Variants in NEXMIF observed in about 807,000 individuals in gnomAD.
The protein encoded by NEXMIF is XLMR protein related to neurite extension.
A neutral mutation model predicts 62.1 loss-of-function variants in NEXMIF; 8 were observed. The observed-to-expected ratio is 0.13, with a 90% confidence interval of 0.08 to 0.23. The LOEUF is 0.23. NEXMIF is among the 10% of genes least tolerant of loss of function. NEXMIF has a pLI of 1.00. For missense variants in NEXMIF, 976 were observed against 1,113.3 expected (o/e 0.88, Z 1.75); for synonymous variants, 404 against 416.6 (o/e 0.97, Z 0.37).
intron 1 of NEXMIF, among the ~76,000 whole-genome samples, chrX:74,874,487 G>C (rs750810225): frequency 1.0e-4 from 11 of 110,155 alleles, no homozygotes; most frequent in African/African-American, 3.6e-4. Context: ...CTCTTTTTTG[G>C]TTCCATATGA....
In NEXMIF at chrX:74,741,422, T is replaced by C. The variant is rs1396993325; in HGVS notation, c.3135A>G (p.Pro1045=). Residue 1045 remains proline, a synonymous_variant, in exon 3 of 4, where the codon CCA becomes CCG. Coordinates refer to ENST00000055682, the MANE Select transcript of NEXMIF (RefSeq NM_001008537.3). ...CCAGGAGGTCAGTGGACTCCTTTAGTGGTGCTATCTCATCAATGCTTTGCT... is the reference window on the plus strand; with the variant it reads ...CCAGGAGGTCAGTGGACTCCTTTAGCGGTGCTATCTCATCAATGCTTTGCT... ...VIQQSIDEIA[P]LKESTDLLDI... is the part of the protein sequence containing the mutation. 6.6e-6 allele frequency: 8 copies of C among 1,211,657 alleles called. No homozygotes were observed. Among genetic ancestry groups the C allele is most frequent in the South Asian group, 1.8e-5 (1 of 56,945 alleles).
intron 1 of NEXMIF, among the ~76,000 whole-genome samples, chrX:74,791,008 A>C (rs1262975119): frequency 1.8e-5 from 2 of 110,719 alleles, no homozygotes; most frequent in Admixed American, 9.6e-5. Context: ...AACTTCCAAC[A>C]CTATGTTGAA....
chrX:74,737,687 T>G lies in NEXMIF; in HGVS notation c.*1718A>C, dbSNP rs1216016865. 1 of 111,792 alleles carries G rather than the reference T, an allele frequency of 8.9e-6. No individual in the cohort carries two copies. Among genetic ancestry groups the G allele is most frequent in the East Asian group, 2.8e-4 (1 of 3,560 alleles). The allele number at this position is 111,792 out of a possible 1,213,427, so 9.2% of individuals were successfully genotyped here. Reference sequence around the variant, plus strand: ...TTCCTTCCATTTCTCTCTGACTACTTTCAAATGTTGCTTCTCTGTTTGTGA... The same window carrying G: ...TTCCTTCCATTTCTCTCTGACTACTGTCAAATGTTGCTTCTCTGTTTGTGA... On this transcript the variant is annotated 3_prime_UTR_variant, in exon 4 of 4. Coordinates refer to ENST00000055682, the MANE Select transcript of NEXMIF (RefSeq NM_001008537.3).
intron 1 of NEXMIF, among the ~76,000 whole-genome samples, chrX:74,778,305 T>C (rs2080234716): frequency 8.9e-6 from 1 of 112,128 alleles, no homozygotes; most frequent in African/African-American, 3.2e-5. Flanking sequence ...CCCAGCTCCT[T>C]GCCCCTTCTG....
chrX:74,907,098 G>C (rs926210116), intron 1 of NEXMIF, among the ~76,000 whole-genome samples: 32 of 111,690 alleles, frequency 2.9e-4, no homozygotes, highest in Non-Finnish European at 5.6e-5. Flanking sequence ...TGATGTAACT[G>C]AAGTGCTGGT....
At chrX:74,819,458 G>A (rs2080387240) in intron 1 of NEXMIF, among the ~76,000 whole-genome samples, 1 of 111,673 alleles carries the variant, frequency 9.0e-6, no homozygotes, top group Non-Finnish European at 1.9e-5. Flanking sequence ...CTGATATCCA[G>A]AATCTACAAA....
intron 1 of NEXMIF, among the ~76,000 whole-genome samples, chrX:74,794,466 G>A (rs758108978): frequency 9.0e-6 from 1 of 111,457 alleles, no homozygotes; most frequent in African/African-American, 3.3e-5. Context: ...GGAGCCTACA[G>A]AGGCAGGCAG....
chrX:74,853,072 T>C (rs1164879862), intron 1 of NEXMIF, among the ~76,000 whole-genome samples: 1 of 111,025 alleles, frequency 9.0e-6, no homozygotes, highest in Non-Finnish European at 1.9e-5. Flanking sequence ...TTCTGGGGTA[T>C]ATACCCTGGT....
rs1047311743 is a variant in NEXMIF at position 74,819,214 on chromosome X, C to A, written c.-47-73517G>T. Among the ~76,000 whole-genome samples, 9 of 111,692 alleles carry A rather than the reference C, an allele frequency of 8.1e-5. No individual in the cohort carries two copies. The Admixed American group carries it at 8.6e-4, about 11-fold the overall frequency. On this transcript the variant is annotated intron_variant, in intron 1 of 3. Transcript: ENST00000055682. ...TGGATTAAAGACTTAAATGTTAGAC[C>A]AAAAACCATAAAAACCCCAGAAGAA...
chrX:74,860,111 A>T (rs988187354), intron 1 of NEXMIF, among the ~76,000 whole-genome samples: 4 of 111,354 alleles, frequency 3.6e-5, no homozygotes, highest in African/African-American at 9.8e-5. Context: ...ATAAATTTTT[A>T]AAAAGGCCCA....
intron 1 of NEXMIF, among the ~76,000 whole-genome samples, chrX:74,900,474 A>AAAAAAAAAAAAAG (rs776919178): frequency 1.9e-5 from 2 of 105,988 alleles, no homozygotes; most frequent in East Asian, 3.7e-4. Context: ...AAAAAAAAAA[A>AAAAAAAAAAAAAG]AAAAAGAAAA....
intron 1 of NEXMIF, among the ~76,000 whole-genome samples, chrX:74,876,701 A>G (rs1274364896): frequency 9.8e-6 from 1 of 101,768 alleles, no homozygotes; most frequent in Non-Finnish European, 2.0e-5. Context: ...TATATTTAGG[A>G]TAGTTAGCTC....
At chrX:74,796,229 A>AATATATATATATATACATATATT (rs2080309783) in intron 1 of NEXMIF, among the ~76,000 whole-genome samples, 2 of 60,628 alleles carry the variant, frequency 3.3e-5, no homozygotes, top group Admixed American at 5.3e-4. Context: ...ATACATATAT[A>AATATATATATATATACATATATT]ATATATATAT....
intron 1 of NEXMIF, among the ~76,000 whole-genome samples, chrX:74,802,855 G>A (rs749329625): frequency 3.3e-4 from 37 of 110,630 alleles, no homozygotes; most frequent in Non-Finnish European, 4.2e-4. Flanking sequence ...ACATTTAGCA[G>A]AGATATTAAA....
At chrX:74,897,901 C>A (rs2080737474) in intron 1 of NEXMIF, among the ~76,000 whole-genome samples, 1 of 112,181 alleles carries the variant, frequency 8.9e-6, no homozygotes, top group South Asian at 3.7e-4. Flanking sequence ...CAAAATAAAG[C>A]AGTATTGGAC....
intron 1 of NEXMIF, among the ~76,000 whole-genome samples, chrX:74,825,269 C>T (rs2080411618): frequency 9.0e-6 from 1 of 111,312 alleles, no homozygotes; most frequent in Non-Finnish European, 1.9e-5. Context: ...GATACATGTG[C>T]AGGTTTATTA....
chrX:74,834,084 A>G (rs1189498152), intron 1 of NEXMIF, among the ~76,000 whole-genome samples: 2 of 105,438 alleles, frequency 1.9e-5, no homozygotes, highest in African/African-American at 6.9e-5. Flanking sequence ...CGGTGAGCCA[A>G]GATTGCACCA....
At position 74,740,353 on chromosome X, in the gene NEXMIF, T is replaced by C. The variant is rs1345044083; in HGVS notation, c.4204A>G (p.Asn1402Asp). The C allele has an allele frequency of 4.1e-6, 5 of 1,210,120 alleles. No homozygotes were observed. The highest frequency in any genetic ancestry group is 5.6e-6 in the Non-Finnish European group (5 of 895,273). The change falls in exon 3 of 4, where the codon AAT (asparagine) becomes GAT (aspartate). Residue 1402 changes from asparagine (N) to aspartate (D), a missense_variant. Transcript: ENST00000055682. ...GGATCACCTATTGCTGTTTTCCCATTGCTTTTGCTCACACCCTTGATTGAC... is the reference window on the plus strand; with the variant it reads ...GGATCACCTATTGCTGTTTTCCCATCGCTTTTGCTCACACCCTTGATTGAC... ...HRSIKGVSKS[N>D]GKTAIGDPGR... is the part of the protein sequence containing the mutation.
intron 1 of NEXMIF, among the ~76,000 whole-genome samples, chrX:74,877,033 T>C (rs973540200): frequency 5.4e-5 from 6 of 111,846 alleles, no homozygotes; most frequent in African/African-American, 2.0e-4. Flanking sequence ...ATCCTGTCTT[T>C]ACGATGTTAG....
Sources: allele counts gnomAD v4.1 joint callset (sites outside exome capture counted in the v4.1 genomes callset), GRCh38; gene constraint gnomAD v4.1.1; transcripts MANE v1.5; gene names NCBI Gene and HGNC (gene_info 2026-07-23, HGNC 2026-07-21).